Variants in ZNF804B observed in about 807,000 individuals in gnomAD.
The protein encoded by ZNF804B is zinc finger protein 804B.
ZNF804B carries 80 observed loss-of-function variants against 101.4 expected under a neutral mutation model. The ratio of observed to expected loss-of-function variants is 0.79; its 90% CI spans 0.66 to 0.95. The LOEUF is 0.95. ZNF804B is among the 40% of genes least tolerant of loss of function. The probability of loss-of-function intolerance (pLI) is 0.00; values close to 1 mark genes in which losing one functional copy is unlikely to be tolerated. For synonymous variants in ZNF804B, 622 were observed against 558.8 expected, an observed-to-expected ratio of 1.11 and a Z score of -1.59; for missense variants, 1,673 against 1,561.9, an observed-to-expected ratio of 1.07 and a Z score of -1.20.
intron 1 of ZNF804B, among the ~76,000 whole-genome samples, chr7:88,943,899 A>G (rs951988015): frequency 2.0e-5 from 3 of 151,818 alleles, no homozygotes; most frequent in South Asian, 2.1e-4. Context: ...GTCACTTAGC[A>G]TATGCTTTTC....
chr7:88,894,521 G>A (rs552217627), intron 1 of ZNF804B, among the ~76,000 whole-genome samples: 25 of 151,886 alleles, frequency 1.6e-4, no homozygotes, highest in South Asian at 8.3e-4. Context: ...CCAATCATAC[G>A]CTATTAATAG....
At chr7:89,274,615 A>G (rs1396125588) in intron 2 of ZNF804B, among the ~76,000 whole-genome samples, 1 of 151,696 alleles carries the variant, frequency 6.6e-6, no homozygotes, top group Admixed American at 6.6e-5. Flanking sequence ...AATGATCCTT[A>G]GAAGACATGT....
intron 1 of ZNF804B, chr7:88,794,676 C>T: frequency 2.5e-6 from 4 of 1,613,736 alleles, no homozygotes; most frequent in Non-Finnish European, 2.5e-6. Context: ...GATAGATGAG[C>T]AGCAATCCTG....
At chr7:88,840,716 A>G (rs536190714) in intron 1 of ZNF804B, among the ~76,000 whole-genome samples, 1 of 152,292 alleles carries the variant, frequency 6.6e-6, no homozygotes, top group South Asian at 2.1e-4. Flanking sequence ...TAGATTGGAC[A>G]TACAGAAAAC....
rs1244004552 is a variant in ZNF804B, at chr7:89,334,584, G to A, written c.1602G>A (p.Pro534=). The A allele has an allele frequency of 6.8e-6, 11 of 1,613,596 alleles. No individual in the cohort carries two copies. Among genetic ancestry groups the A allele is most frequent in the Middle Eastern group, 1.6e-4 (1 of 6,082 alleles). The change falls in exon 4 of 4, where the codon CCG becomes CCA. Residue 534 remains proline (P), a synonymous_variant. Transcript: ENST00000333190. ...TGATCCAAGAAGATTATCAATATCCGAAACCAAAGACGATGATAGCTAATC... is the reference window on the plus strand; with the variant it reads ...TGATCCAAGAAGATTATCAATATCCAAAACCAAAGACGATGATAGCTAATC... ...QKLIQEDYQY[P]KPKTMIANPD... is the part of the protein sequence containing the mutation.
chr7:88,768,807 G>T (rs1476883886), intron 1 of ZNF804B, among the ~76,000 whole-genome samples: 1 of 152,172 alleles, frequency 6.6e-6, no homozygotes, highest in African/African-American at 2.4e-5. Flanking sequence ...CTCTCTTTGG[G>T]TATTACTTCT....
intron 2 of ZNF804B, among the ~76,000 whole-genome samples, chr7:89,264,090 T>C (rs1015632099): frequency 2.6e-5 from 4 of 152,260 alleles, no homozygotes; most frequent in Non-Finnish European, 5.9e-5. Flanking sequence ...CAAACATGTT[T>C]ATATCCACAA....
chr7:89,252,782 G>A (rs936026405), intron 2 of ZNF804B, among the ~76,000 whole-genome samples: 2 of 152,130 alleles, frequency 1.3e-5, no homozygotes, highest in Non-Finnish European at 2.9e-5. Context: ...TAGCACAGAA[G>A]CAGAAAATCA....
intron 2 of ZNF804B, among the ~76,000 whole-genome samples, chr7:89,235,330 A>G (rs1005792654): frequency 6.6e-6 from 1 of 152,184 alleles, no homozygotes; most frequent in African/African-American, 2.4e-5. Context: ...CACATATTAA[A>G]TTATTGTCAA....
At chr7:89,177,669 T>C (rs1399156711) in intron 1 of ZNF804B, among the ~76,000 whole-genome samples, 3 of 152,334 alleles carry the variant, frequency 2.0e-5, no homozygotes, top group Non-Finnish European at 2.9e-5. Flanking sequence ...GTTGATTATC[T>C]GTCTAGGTGA....
chr7:89,198,923 C>A (rs150892611), intron 1 of ZNF804B, among the ~76,000 whole-genome samples: 2 of 151,944 alleles, frequency 1.3e-5, no homozygotes, highest in East Asian at 3.9e-4. Context: ...AACATTATTT[C>A]TAACAAGTAA....
At chr7:89,249,853 G>T (rs1018728752) in intron 2 of ZNF804B, among the ~76,000 whole-genome samples, 1 of 152,068 alleles carries the variant, frequency 6.6e-6, no homozygotes, top group Non-Finnish European at 1.5e-5. Flanking sequence ...CAAAAGTTGG[G>T]TCTCTGAAGA....
At chr7:89,183,920 T>C (rs1247241113) in intron 1 of ZNF804B, among the ~76,000 whole-genome samples, 1 of 152,160 alleles carries the variant, frequency 6.6e-6, no homozygotes, top group African/African-American at 2.4e-5. Flanking sequence ...GGGTCCTTAA[T>C]TTCAGTCTTT....
In ZNF804B at chr7:88,920,858, C is replaced by T. The variant is rs752055221; in HGVS notation, c.108+160774C>T. Among the ~76,000 whole-genome samples, 13 of 152,036 alleles carry T rather than the reference C, an allele frequency of 8.6e-5. No homozygotes were observed. The East Asian group carries it at 1.4e-3, about 16-fold the overall frequency. The stretch of plus-strand genomic sequence containing the variant: ...AATAAAAATTAGATATCATCCCTAT[C>T]GGCAGAGACTTTATAACCTAAAGTC... On this transcript the variant is annotated intron_variant, in intron 1 of 3. Coordinates refer to ENST00000333190, the MANE Select transcript of ZNF804B (RefSeq NM_181646.5).
chr7:89,262,990 C>G (rs769697928), intron 2 of ZNF804B, among the ~76,000 whole-genome samples: 1 of 148,636 alleles, frequency 6.7e-6, no homozygotes, highest in African/African-American at 2.5e-5. Context: ...TTGTCCTGTA[C>G]GACTATCTCC....
chr7:88,767,886 G>C (rs868695684), intron 1 of ZNF804B, among the ~76,000 whole-genome samples: 2 of 152,100 alleles, frequency 1.3e-5, no homozygotes, highest in African/African-American at 4.8e-5. Flanking sequence ...CCCTTCATTT[G>C]TTGGGCCATA....
chr7:89,266,784 A>G (rs1301591641), intron 2 of ZNF804B, among the ~76,000 whole-genome samples: 3 of 152,044 alleles, frequency 2.0e-5, no homozygotes, highest in Non-Finnish European at 2.9e-5. Context: ...TTTATCAGGT[A>G]TATCATAAAA....
intron 3 of ZNF804B, among the ~76,000 whole-genome samples, chr7:89,329,889 G>T (rs565823656): frequency 6.6e-6 from 1 of 151,496 alleles, no homozygotes; most frequent in Non-Finnish European, 1.5e-5. Context: ...AATGGAACAC[G>T]AAAGAATGAC....
chr7:88,912,681 A>AT (rs1426940780), intron 1 of ZNF804B, among the ~76,000 whole-genome samples: 2 of 152,060 alleles, frequency 1.3e-5, no homozygotes, highest in Non-Finnish European at 2.9e-5. Flanking sequence ...CCGGCTCTTC[A>AT]TTTTTCTTAG....
Sources: gnomAD v4.1 joint callset for allele counts (sites outside exome capture counted in the v4.1 genomes callset) on GRCh38, gnomAD v4.1.1 for gene constraint, MANE v1.5 for transcripts, NCBI Gene and HGNC (gene_info 2026-07-23, HGNC 2026-07-21) for gene names.